Variants in HTR7 observed in about 807,000 individuals in gnomAD.
HTR7 encodes the protein 5-hydroxytryptamine receptor 7.
Under a neutral mutation model 34.0 loss-of-function variants are expected in HTR7, and 16 were observed. The observed-to-expected ratio is 0.47, with a 90% CI of 0.32 to 0.71. HTR7 has a LOEUF of 0.71. Among genes scored for constraint, HTR7 ranks in the 30% least tolerant of loss-of-function variants. The pLI is 0.04. For missense variants in HTR7, 504 were observed against 625.5 expected (o/e 0.81, Z 2.07); for synonymous variants, 265 against 260.2 (o/e 1.02, Z -0.18).
At chr10:90,789,488 G>C (rs74438784) in intron 1 of HTR7, among the ~76,000 whole-genome samples, 1 of 152,182 alleles carries the variant, frequency 6.6e-6, no homozygotes, top group African/African-American at 2.4e-5. Flanking sequence ...TGAAAAGAAG[G>C]TGGAAAGGTT....
At chr10:90,784,713 C>T (rs552969832) in intron 1 of HTR7, among the ~76,000 whole-genome samples, 55 of 152,294 alleles carry the variant, frequency 3.6e-4, no homozygotes, top group African/African-American at 1.1e-3. Context: ...CCTTCTTTCA[C>T]TTTATCCTAT....
At chr10:90,765,963 C>G (rs1403437791) in intron 1 of HTR7, among the ~76,000 whole-genome samples, 5 of 152,106 alleles carry the variant, frequency 3.3e-5, no homozygotes, top group African/African-American at 1.2e-4. Flanking sequence ...GGAAAATGTT[C>G]TGTGTGTGCT....
In HTR7 at chr10:90,792,053, T is replaced by G. The variant is rs773108734; in HGVS notation, c.540-42459A>C. Among the ~76,000 whole-genome samples the G allele has an allele frequency of 2.6e-5, 4 of 152,090 alleles. 1 individual carries two copies. Among genetic ancestry groups the G allele is most frequent in the Non-Finnish European group, 5.9e-5 (4 of 67,970 alleles). ...AGATTAGGTGACTCTGTTGCAAGGATGAAATAAAACAGAGTATGAAGCCAC... is the reference window on the plus strand; with the variant it reads ...AGATTAGGTGACTCTGTTGCAAGGAGGAAATAAAACAGAGTATGAAGCCAC... On this transcript the variant is annotated intron_variant, in intron 1 of 3. Coordinates refer to ENST00000336152, the MANE Select transcript of HTR7 (RefSeq NM_019859.4).
At chr10:90,770,658 T>C (rs1423839984) in intron 1 of HTR7, among the ~76,000 whole-genome samples, 1 of 152,160 alleles carries the variant, frequency 6.6e-6, no homozygotes, top group African/African-American at 2.4e-5. Flanking sequence ...GCCAGCCCCC[T>C]GTCGCCCTGG....
chr10:90,760,148 G>T lies in HTR7; in HGVS notation c.540-10554C>A, dbSNP rs543328375. Among the ~76,000 whole-genome samples, 77 of 152,290 alleles carry T rather than the reference G, an allele frequency of 5.1e-4. 4 individuals are homozygous for T. The highest frequency in any genetic ancestry group is 5.0e-3 in the Admixed American group (77 of 15,296). The stretch of plus-strand genomic sequence containing the variant: ...CAGTTTAATGGAGACAGAAAGTGTG[G>T]TGTATATACACAATTAAATACTATT... On this transcript the variant is annotated intron_variant, in intron 1 of 3. Transcript: ENST00000336152.
chr10:90,748,720 TG>T, intron 2 of HTR7, 118 bp downstream of exon 2: 1 of 1,139,738 alleles, frequency 8.8e-7, no homozygotes, highest in Non-Finnish European at 1.2e-6. Flanking sequence ...AATTCAAATC[TG>T]GTATGTTTAG....
chr10:90,837,880 C>T (rs1365688000), intron 1 of HTR7, among the ~76,000 whole-genome samples: 1 of 152,142 alleles, frequency 6.6e-6, no homozygotes, highest in Non-Finnish European at 1.5e-5. Flanking sequence ...TCAAGATCAC[C>T]AATGACTTCA....
At chr10:90,768,645 C>T (rs1845059389) in intron 1 of HTR7, among the ~76,000 whole-genome samples, 1 of 152,200 alleles carries the variant, frequency 6.6e-6, no homozygotes, top group South Asian at 2.1e-4. Flanking sequence ...GCATCAAGAG[C>T]TCCCTCATGC....
chr10:90,786,475 A>G (rs1273515025), intron 1 of HTR7, among the ~76,000 whole-genome samples: 2 of 152,248 alleles, frequency 1.3e-5, no homozygotes, highest in Non-Finnish European at 1.5e-5. Flanking sequence ...CTAAGAACCA[A>G]CATAAGAATA....
chr10:90,788,446 A>G lies in HTR7; in HGVS notation c.540-38852T>C, dbSNP rs1422604789. Among the ~76,000 whole-genome samples, 11 of 152,204 alleles carry G rather than the reference A, an allele frequency of 7.2e-5. No individual in the cohort carries two copies. In the East Asian group the frequency reaches 1.9e-3, roughly 27 times the overall value. On this transcript the variant is annotated intron_variant, in intron 1 of 3. Transcript: ENST00000336152. The stretch of plus-strand genomic sequence containing the variant: ...AAAGGCCTACATATATACATCTACA[A>G]ATAACTGCACTAAACTTGTTAAAGC...
At chr10:90,821,270 C>T (rs1235952647) in intron 1 of HTR7, among the ~76,000 whole-genome samples, 2 of 152,102 alleles carry the variant, frequency 1.3e-5, no homozygotes, top group African/African-American at 4.8e-5. Flanking sequence ...TTGCTGATGC[C>T]ATCCCTTCCC....
chr10:90,770,698 A>C (rs1368307099), intron 1 of HTR7, among the ~76,000 whole-genome samples: 3 of 152,190 alleles, frequency 2.0e-5, no homozygotes, highest in Non-Finnish European at 4.4e-5. Flanking sequence ...ACCAACAAGC[A>C]CTGCAGGGAA....
At chr10:90,805,468 C>T (rs923046491) in intron 1 of HTR7, among the ~76,000 whole-genome samples, 1 of 152,214 alleles carries the variant, frequency 6.6e-6, no homozygotes, top group Non-Finnish European at 1.5e-5. Context: ...AGTTTAACTA[C>T]AGGGAAGACA....
At chr10:90,855,139 A>G (rs1165104313) in intron 1 of HTR7, among the ~76,000 whole-genome samples, 4 of 152,218 alleles carry the variant, frequency 2.6e-5, no homozygotes, top group Non-Finnish European at 5.9e-5. Context: ...AGAATTCACC[A>G]ATGGGGCAAT....
intron 1 of HTR7, among the ~76,000 whole-genome samples, chr10:90,776,410 C>CT (rs1271558873): frequency 4.6e-5 from 7 of 152,206 alleles, no homozygotes; most frequent in Middle Eastern, 3.2e-3. Context: ...CTGACCAACT[C>CT]TAATTCACAG....
chr10:90,796,385 A>G (rs1439516482), intron 1 of HTR7, among the ~76,000 whole-genome samples: 1 of 152,260 alleles, frequency 6.6e-6, no homozygotes, highest in African/African-American at 2.4e-5. Flanking sequence ...TTAAATAACA[A>G]AAGGTTGAAA....
At chr10:90,852,631 T>C (rs2120130512) in intron 1 of HTR7, among the ~76,000 whole-genome samples, 1 of 152,336 alleles carries the variant, frequency 6.6e-6, no homozygotes, top group South Asian at 2.1e-4. Context: ...AAGCAAATTA[T>C]GGTATATTTA....
At chr10:90,855,048 C>G (rs1162296858) in intron 1 of HTR7, among the ~76,000 whole-genome samples, 1 of 152,158 alleles carries the variant, frequency 6.6e-6, no homozygotes, top group African/African-American at 2.4e-5. Context: ...GGAAGAAAAT[C>G]AGTCTGTGTC....
chr10:90,824,023 T>C (rs925066239), intron 1 of HTR7, among the ~76,000 whole-genome samples: 15 of 152,218 alleles, frequency 9.9e-5, no homozygotes, highest in Admixed American at 7.8e-4. Context: ...AGGTAGTTCT[T>C]TATAGCAGTG....
Sources: gnomAD v4.1 joint callset for allele counts (sites outside exome capture counted in the v4.1 genomes callset) on GRCh38, gnomAD v4.1.1 for gene constraint, MANE v1.5 for transcripts, NCBI Gene and HGNC (gene_info 2026-07-23, HGNC 2026-07-21) for gene names.